SLC35F3: variants seen among roughly 807,000 people sequenced by gnomAD.
The protein encoded by SLC35F3 is solute carrier family 35 member F3.
SLC35F3 carries 25 observed loss-of-function variants against 49.9 expected under a neutral mutation model. That is an observed-to-expected ratio of 0.50 (90% CI 0.37 to 0.70). SLC35F3 has a LOEUF of 0.70. Among genes scored for constraint, SLC35F3 ranks in the 30% least tolerant of loss-of-function variants. The pLI, the probability that SLC35F3 is intolerant of heterozygous loss-of-function variation, is 0.00. For synonymous variants in SLC35F3, 275 were observed against 265.4 expected (o/e 1.04, Z -0.35); for missense variants, 525 against 639.8 (o/e 0.82, Z 1.94).
intron 2 of SLC35F3, among the ~76,000 whole-genome samples, chr1:233,952,924 A>T (rs376702572): frequency 6.6e-6 from 1 of 152,190 alleles, no homozygotes; most frequent in Non-Finnish European, 1.5e-5. Context: ...TTCCAAAAAG[A>T]TGAGGGAGAA....
chr1:234,206,177 G>T (rs1247208444), intron 2 of SLC35F3, among the ~76,000 whole-genome samples: 2 of 152,150 alleles, frequency 1.3e-5, no homozygotes, highest in Admixed American at 1.3e-4. Flanking sequence ...GGAAAACACT[G>T]CAGAGTTTTT....
Position 234,214,413 on chromosome 1 carries a change from G to T in SLC35F3, c.284-17004G>T. ...CTCCCCGGCGGCAGAGGGCCGCGTC[G>T]GCCACGGGCCCGGGAGAGACGCGCT... On this transcript the variant is annotated intron_variant, in intron 2 of 7. Transcript: ENST00000366618. The surrounding 1 kb of genome is among the most constrained non-coding windows in gnomAD (Gnocchi z 8.0). The T allele has an allele frequency of 1.4e-6, 2 of 1,408,364 alleles. No homozygotes were observed. The highest frequency in any genetic ancestry group is 1.9e-6 in the Non-Finnish European group (2 of 1,078,328). The allele number at this position is 1,408,364 out of a possible 1,614,324, so 87.2% of individuals were successfully genotyped here.
chr1:234,046,050 A>C lies in SLC35F3; in HGVS notation c.283+140292A>C, dbSNP rs968013636. Among the ~76,000 whole-genome samples, 2 of 152,094 alleles carry C rather than the reference A, an allele frequency of 1.3e-5. No individual in the cohort carries two copies. Among genetic ancestry groups the C allele is most frequent in the Non-Finnish European group, 2.9e-5 (2 of 67,976 alleles). ...ATCCTTTACCTGTTGATGGACATTT[A>C]GTTTATTTCTCACATTTTGCTACTG... On this transcript the variant is annotated intron_variant, in intron 2 of 7. Coordinates refer to ENST00000366618, the MANE Select transcript of SLC35F3 (RefSeq NM_173508.4). The surrounding 1 kb of genome is among the most constrained non-coding windows in gnomAD (Gnocchi z 4.4).
At chr1:234,288,635 C>A (rs1452229924) in intron 3 of SLC35F3, among the ~76,000 whole-genome samples, 1 of 152,186 alleles carries the variant, frequency 6.6e-6, no homozygotes, top group Non-Finnish European at 1.5e-5. Flanking sequence ...CTCATGCCAG[C>A]CTCTTTGCTG....
intron 2 of SLC35F3, among the ~76,000 whole-genome samples, chr1:234,101,741 G>T (rs1008552831): frequency 6.6e-6 from 1 of 152,244 alleles, no homozygotes; most frequent in East Asian, 1.9e-4. Context: ...AACAAATCAT[G>T]TACCTTTTTC....
intron 2 of SLC35F3, among the ~76,000 whole-genome samples, chr1:234,015,400 T>A (rs1333069485): frequency 6.6e-6 from 1 of 151,586 alleles, no homozygotes; most frequent in East Asian, 1.9e-4. Flanking sequence ...ACTACTTGAT[T>A]TCTAACTATC....
chr1:234,270,451 G>C (rs530452065), intron 3 of SLC35F3, among the ~76,000 whole-genome samples: 1 of 152,330 alleles, frequency 6.6e-6, no homozygotes, highest in East Asian at 1.9e-4. Flanking sequence ...ATATTGAGGG[G>C]TATGTGGTTG....
intron 2 of SLC35F3, among the ~76,000 whole-genome samples, chr1:234,080,511 T>G (rs1420036486): frequency 6.6e-6 from 1 of 152,132 alleles, no homozygotes; most frequent in African/African-American, 2.4e-5. Context: ...TAAACAAATT[T>G]GATATATTAA....
intron 2 of SLC35F3, among the ~76,000 whole-genome samples, chr1:234,138,367 AGAG>A (rs975475787): frequency 8.5e-5 from 13 of 152,146 alleles, no homozygotes; most frequent in Non-Finnish European, 1.3e-4. Flanking sequence ...CCATTCTGGC[AGAG>A]GAGGAGGAGG....
intron 2 of SLC35F3, among the ~76,000 whole-genome samples, chr1:234,223,114 C>G (rs1246600747): frequency 6.6e-6 from 1 of 152,246 alleles, no homozygotes; most frequent in Non-Finnish European, 1.5e-5. Flanking sequence ...TACCCATACC[C>G]TGTCAGTTTC....
Position 234,138,415 on chromosome 1 carries a change from G to A in SLC35F3, c.284-93002G>A, listed in dbSNP as rs544750382. Among the ~76,000 whole-genome samples the A allele has an allele frequency of 7.9e-5, 12 of 152,280 alleles. No individual in the cohort carries two copies. The South Asian group carries it at 8.3e-4, about 11-fold the overall frequency. On this transcript the variant is annotated intron_variant, in intron 2 of 7. Coordinates refer to ENST00000366618, the MANE Select transcript of SLC35F3 (RefSeq NM_173508.4). ...TCTCAGATACCTTCCAGCAAAGAAG[G>A]GGTAAATATATGCACACTCAAGACC...
At chr1:234,108,884 G>A (rs950309699) in intron 2 of SLC35F3, among the ~76,000 whole-genome samples, 2 of 149,088 alleles carry the variant, frequency 1.3e-5, no homozygotes, top group Non-Finnish European at 3.0e-5. Context: ...ATCTCCACAA[G>A]CAATTGCTAT....
chr1:234,268,782 A>G (rs1000838732), intron 3 of SLC35F3: 11 of 152,170 alleles, frequency 7.2e-5, no homozygotes, highest in Admixed American at 3.3e-4. Context: ...CGGCAGTGAA[A>G]ATCAGTGGAC....
At chr1:233,993,424 G>C (rs1663399210) in intron 2 of SLC35F3, among the ~76,000 whole-genome samples, 1 of 152,182 alleles carries the variant, frequency 6.6e-6, no homozygotes, top group Non-Finnish European at 1.5e-5. Flanking sequence ...GGAAGCCCCA[G>C]CTCACTAGCT....
At chr1:234,095,920 T>C (rs1004486216) in intron 2 of SLC35F3, among the ~76,000 whole-genome samples, 1 of 152,256 alleles carries the variant, frequency 6.6e-6, no homozygotes, top group African/African-American at 2.4e-5. Flanking sequence ...ATTACTGTTG[T>C]AATCAGTGAG....
intron 2 of SLC35F3, among the ~76,000 whole-genome samples, chr1:233,948,297 A>G (rs1662549319): frequency 6.6e-6 from 1 of 151,262 alleles, no homozygotes; most frequent in Admixed American, 6.6e-5. Flanking sequence ...CTCAAGGCTG[A>G]GAGCCAAAAA....
chr1:233,923,799 C>CTTA (rs1662108188), intron 2 of SLC35F3, among the ~76,000 whole-genome samples: 3 of 151,440 alleles, frequency 2.0e-5, no homozygotes, highest in Non-Finnish European at 3.0e-5. Flanking sequence ...ATAAATAGCT[C>CTTA]TTATTTTGAG....
At chr1:234,153,345 A>G (rs898688122) in intron 2 of SLC35F3, among the ~76,000 whole-genome samples, 3 of 152,230 alleles carry the variant, frequency 2.0e-5, no homozygotes, top group South Asian at 2.1e-4. Context: ...CAGGTGGCTC[A>G]TGCCTATAAT....
At chr1:234,080,950 C>T (rs190808673) in intron 2 of SLC35F3, among the ~76,000 whole-genome samples, 1 of 152,172 alleles carries the variant, frequency 6.6e-6, no homozygotes, top group Non-Finnish European at 1.5e-5. Flanking sequence ...CAAAAAAAAC[C>T]CTTCAAAGTA....
Sources: gnomAD v4.1 joint callset for allele counts (sites outside exome capture counted in the v4.1 genomes callset) on GRCh38, gnomAD v4.1.1 for gene constraint, Gnocchi (gnomAD v3.1) non-coding constraint, MANE v1.5 for transcripts, NCBI Gene and HGNC (gene_info 2026-07-23, HGNC 2026-07-21) for gene names.